Variants in MYH14 observed in about 807,000 individuals in gnomAD.
MYH14 encodes myosin-14.
In MYH14, 123 loss-of-function variants were observed where a neutral mutation model predicts 255.5. The ratio of observed to expected loss-of-function variants is 0.48; its 90% CI spans 0.42 to 0.56. The LOEUF is 0.56. Ranked by LOEUF, MYH14 falls within the 20% of genes least tolerant of loss-of-function variation. The pLI, the probability that MYH14 is intolerant of heterozygous loss-of-function variation, is 0.00. For synonymous variants in MYH14, 1,095 were observed against 1,161.2 expected (o/e 0.94, Z 1.16); for missense variants, 2,423 against 2,802.3 (o/e 0.86, Z 3.06).
At position 50,290,945 on chromosome 19, in the gene MYH14, C is replaced by G. The variant is rs377338128; in HGVS notation, c.5024C>G (p.Ala1675Gly). 1 of 1,595,950 alleles carries G rather than the reference C, an allele frequency of 6.3e-7. No homozygotes were observed. The highest frequency in any genetic ancestry group is 1.3e-5 in the African/African-American group (1 of 74,710). The stretch of plus-strand genomic sequence containing the variant: ...CGGAAGCAGCGCACTCTGGCCGTGG[C>G]TGCCCGCAAGAAGCTGGAGGGAGAG... Reference protein sequence around the residue: ...EERKQRTLAVAARKKLEGELE... With the variant: ...EERKQRTLAVGARKKLEGELE... The change falls in exon 36 of 43, where the codon GCT becomes GGT. Residue 1675 changes from alanine to glycine, a missense_variant. Physicochemically the swap from Ala to Gly is moderately conservative, Grantham distance 60. This residue lies in a region of MYH14 where 1,513 missense variants were observed against 1,674.8 expected (regional missense o/e 0.90). Coordinates refer to ENST00000642316, the MANE Select transcript of MYH14 (RefSeq NM_001145809.2).
chr19:50,255,311 G>A lies in MYH14; in HGVS notation c.2037G>A (p.Pro679=), dbSNP rs375459911. The A allele has an allele frequency of 4.2e-5, 65 of 1,550,606 alleles. No individual in the cohort carries two copies. Among genetic ancestry groups the A allele is most frequent in the South Asian group, 3.7e-4 (31 of 84,044 alleles). The change falls in exon 17 of 43, where the codon CCG becomes CCA. Residue 679 remains proline (P), a synonymous_variant. Transcript: ENST00000642316. Reference sequence around the variant, plus strand: ...AGAGGTGCAGCTCTGCTATTTCTCCGCCAGGGGGTGGGTGTCTCTGTGCAT... The same window carrying A: ...AGAGGTGCAGCTCTGCTATTTCTCCACCAGGGGGTGGGTGTCTCTGTGCAT... The part of the protein sequence containing the change: ...SAERCSSAIS[P]PGVEGIVGLE...
intron 23 of MYH14, among the ~76,000 whole-genome samples, chr19:50,267,623 A>AAATAATAATAAGAAT (rs2035137305): frequency 6.7e-6 from 1 of 149,146 alleles, no homozygotes; most frequent in South Asian, 2.2e-4. Flanking sequence ...TCTGTCTCAA[A>AAATAATAATAAGAAT]AATAATAATA....
intron 33 of MYH14, chr19:50,285,937 A>G (rs371001104): frequency 4.6e-5 from 7 of 152,228 alleles, no homozygotes; most frequent in African/African-American, 7.2e-5. Flanking sequence ...TGGCATTTCT[A>G]TGTGGTTCTA....
At position 50,225,601 on chromosome 19, in the gene MYH14, A is replaced by G; in HGVS notation, c.734A>G (p.Gln245Arg). 1.2e-6 allele frequency: 2 copies of G among 1,613,092 alleles called. No individual in the cohort carries two copies. The highest frequency in any genetic ancestry group is 1.7e-6 in the Non-Finnish European group (2 of 1,179,724). The change falls in exon 7 of 43, where the codon CAG becomes CGG. Residue 245 changes from glutamine to arginine, a missense_variant. Transcript: ENST00000642316. ...STVSYGELER[Q>R]LLQANPILEA... is the part of the protein sequence containing the mutation. ...GCCCGGCAGGGTGAGCTGGAGCGGCAGCTGCTTCAGGCCAACCCCATCCTA... is the reference window on the plus strand; with the variant it reads ...GCCCGGCAGGGTGAGCTGGAGCGGCGGCTGCTTCAGGCCAACCCCATCCTA...
chr19:50,245,513 T>C (rs1297673143), intron 11 of MYH14, among the ~76,000 whole-genome samples: 1 of 151,662 alleles, frequency 6.6e-6, no homozygotes, highest in Non-Finnish European at 1.5e-5. Context: ...TTCCCAGAGA[T>C]AATTGCTGCT....
chr19:50,218,475 G>A (rs1314135734), intron 3 of MYH14, among the ~76,000 whole-genome samples: 2 of 151,872 alleles, frequency 1.3e-5, no homozygotes, highest in Non-Finnish European at 2.9e-5. Flanking sequence ...GCGGGCACCT[G>A]TAGTCCCAGC....
At chr19:50,305,888 C>T (rs1167290032) in intron 40 of MYH14, among the ~76,000 whole-genome samples, 1 of 152,168 alleles carries the variant, frequency 6.6e-6, no homozygotes, top group Non-Finnish European at 1.5e-5. Flanking sequence ...GCCATGATCA[C>T]ACCATTGCAC....
intron 17 of MYH14, among the ~76,000 whole-genome samples, chr19:50,255,883 T>C (rs2034573381): frequency 6.6e-6 from 1 of 150,788 alleles, no homozygotes; most frequent in African/African-American, 2.4e-5. Context: ...AAGCACAGAT[T>C]ATCTAGTTGA....
chr19:50,213,276 A>G (rs971123310), intron 2 of MYH14, among the ~76,000 whole-genome samples: 1 of 152,094 alleles, frequency 6.6e-6, no homozygotes, highest in Non-Finnish European at 1.5e-5. Context: ...AAATACTCTG[A>G]GCGCTCCCAG....
rs75360030 is a variant in MYH14, at chr19:50,271,950, G to A, written c.3273G>A (p.Glu1091=). The stretch of plus-strand genomic sequence containing the variant: ...TCAATAAGCTACGGCTCAAATATGA[G>A]GCCACAATCGCAGACATGGAGGGTG... ...KSLNKLRLKY[E]ATIADMEDRL... is the part of the protein sequence containing the mutation. The change falls in exon 26 of 43, where the codon GAG becomes GAA. Residue 1091 remains glutamate (E), a synonymous_variant. Coordinates refer to ENST00000642316, the MANE Select transcript of MYH14 (RefSeq NM_001145809.2). 6.2e-7 allele frequency: 1 copy of A among 1,610,492 alleles called. No individual in the cohort carries two copies. The highest frequency in any genetic ancestry group is 2.2e-5 in the East Asian group (1 of 44,782).
chr19:50,217,950 A>G (rs2032579200), intron 3 of MYH14, among the ~76,000 whole-genome samples, 179 bp downstream of exon 3: 1 of 152,124 alleles, frequency 6.6e-6, no homozygotes, highest in Non-Finnish European at 1.5e-5. Flanking sequence ...GCTAGGTCCT[A>G]GAGTCTTTTT....
intron 20 of MYH14, 33 bp downstream of exon 20, chr19:50,260,748 CGTGTGTGTGTGT>C: frequency 7.6e-7 from 1 of 1,318,722 alleles, no homozygotes. Context: ...TGCGTGTGTG[CGTGTGTGTGTGT>C]GCGTGCATGA....
At chr19:50,309,539 A>ATC (rs2036776267) in intron 42 of MYH14, 101 bp from the exon 43 acceptor site, 34 of 599,950 alleles carry the variant, frequency 5.7e-5, no homozygotes, top group East Asian at 4.2e-4. Context: ...CTCTCTTCCT[A>ATC]TCTCTCTCTC....
Position 50,256,646 on chromosome 19 carries a change from T to A in MYH14, c.2045-653T>A, listed in dbSNP as rs539217258. 3.9e-5 allele frequency among the ~76,000 whole-genome samples: 6 copies of A among 152,350 alleles called. No homozygotes were observed. In the South Asian group the frequency reaches 1.2e-3, roughly 32 times the overall value. On this transcript the variant is annotated intron_variant, in intron 17 of 42. Coordinates refer to ENST00000642316, the MANE Select transcript of MYH14 (RefSeq NM_001145809.2). ...GCCTTGGCCTCCCAAAGTGCTGAGATTACAGGCATGAGCCACCGCACCCTG... is the reference window on the plus strand; with the variant it reads ...GCCTTGGCCTCCCAAAGTGCTGAGAATACAGGCATGAGCCACCGCACCCTG...
chr19:50,263,954 G>T (rs2034983182), intron 22 of MYH14, among the ~76,000 whole-genome samples: 4 of 151,094 alleles, frequency 2.6e-5, no homozygotes, highest in Admixed American at 2.0e-4. Flanking sequence ...CTACTTGGGA[G>T]GCTGAGGCAG....
chr19:50,293,446 C>T lies in MYH14; in HGVS notation c.5346-118C>T, dbSNP rs537168452. 203 of 1,541,616 alleles carry T rather than the reference C, an allele frequency of 1.3e-4. No individual in the cohort carries two copies. The highest frequency in any genetic ancestry group is 1.6e-4 in the Non-Finnish European group (179 of 1,136,404). On this transcript the variant is annotated intron_variant, in intron 38 of 42. Coordinates refer to ENST00000642316, the MANE Select transcript of MYH14 (RefSeq NM_001145809.2). The surrounding 1 kb of genome is among the most constrained non-coding windows in gnomAD (Gnocchi z 4.1). The stretch of plus-strand genomic sequence containing the variant: ...GGTGGGCGGGGTTAACCTCGGGGCC[C>T]CTGGGGTGTGAGGCTGGGGAGATGC...
Position 50,252,889 on chromosome 19 carries a change from A to T in MYH14, c.1945+136A>T, listed in dbSNP as rs1022221658. On this transcript the variant is annotated intron_variant, in intron 16 of 42. Coordinates refer to ENST00000642316, the MANE Select transcript of MYH14 (RefSeq NM_001145809.2). This position sits in a 1 kb window ranked among gnomAD's most constrained non-coding sequence, Gnocchi z 4.2. Reference sequence around the variant, plus strand: ...GCTCAGACCCAGAATAGCCAGTGTCACAAATAGTATTTCAAATCAGTGATG... The same window carrying T: ...GCTCAGACCCAGAATAGCCAGTGTCTCAAATAGTATTTCAAATCAGTGATG... The T allele has an allele frequency of 3.3e-6, 2 of 606,432 alleles. No individual in the cohort carries two copies. Among genetic ancestry groups the T allele is most frequent in the African/African-American group, 3.7e-5 (2 of 54,070 alleles). 37.6% of individuals were successfully genotyped at this position (606,432 alleles called of 1,614,324 possible).
At chr19:50,281,930 G>GT in intron 33 of MYH14, 88 bp downstream of exon 33, 1 of 1,435,006 alleles carries the variant, frequency 7.0e-7, no homozygotes, top group African/African-American at 1.4e-5. Context: ...AATCCGTGCT[G>GT]TCACGGCTCA....
chr19:50,233,550 A>G (rs983861515), intron 10 of MYH14, among the ~76,000 whole-genome samples: 1 of 152,178 alleles, frequency 6.6e-6, no homozygotes, highest in African/African-American at 2.4e-5. Flanking sequence ...TTAGGCTAAC[A>G]AAGTACCACA....
Sources: gnomAD v4.1 joint callset for allele counts (sites outside exome capture counted in the v4.1 genomes callset) on GRCh38, gnomAD v4.1.1 for gene constraint, gnomAD v4.1.1 regional missense constraint, Gnocchi (gnomAD v3.1) non-coding constraint, MANE v1.5 for transcripts, NCBI Gene and HGNC (gene_info 2026-07-23, HGNC 2026-07-21) for gene names.